The following PTPRD variants were observed in gnomAD, a reference collection of about 807,000 sequenced individuals.
PTPRD encodes protein tyrosine phosphatase receptor type D.
PTPRD carries 34 observed loss-of-function variants against 214.5 expected under a neutral mutation model. The ratio of observed to expected loss-of-function variants is 0.16; its 90% CI spans 0.12 to 0.21. PTPRD has a LOEUF of 0.21. Ranked by LOEUF, PTPRD falls within the 10% of genes least tolerant of loss-of-function variation. The pLI is 1.00. For missense variants in PTPRD, 2,545 were observed against 2,398.7 expected (o/e 1.06, Z -1.27); for synonymous variants, 1,128 against 845.7 (o/e 1.33, Z -5.79).
At chr9:9,818,343 A>C (rs1320573999) in intron 5 of PTPRD, among the ~76,000 whole-genome samples, 4 of 152,126 alleles carry the variant, frequency 2.6e-5, no homozygotes, top group African/African-American at 9.7e-5. Context: ...CCTTTTTATC[A>C]GCTGAGCATT....
chr9:9,641,166 G>T (rs989978929), intron 7 of PTPRD, among the ~76,000 whole-genome samples: 1 of 119,762 alleles, frequency 8.3e-6, no homozygotes, highest in African/African-American at 2.6e-5. Context: ...TGTTGATGCT[G>T]CTTAGCAAAT....
chr9:9,233,837 T>C (rs978636507), intron 9 of PTPRD, among the ~76,000 whole-genome samples: 1 of 152,206 alleles, frequency 6.6e-6, no homozygotes, highest in East Asian at 1.9e-4. Context: ...CACGGCCTTG[T>C]GTAGTTCTGC....
At position 9,683,128 on chromosome 9, in the gene PTPRD, C is replaced by A. The variant is rs186980153; in HGVS notation, c.-287+51405G>T. Among the ~76,000 whole-genome samples, 20 of 151,834 alleles carry A rather than the reference C, an allele frequency of 1.3e-4. No individual in the cohort carries two copies. In the East Asian group the frequency reaches 3.7e-3, roughly 28 times the overall value. On this transcript the variant is annotated intron_variant, in intron 7 of 45. Transcript: ENST00000381196. ...TCTAGATTCTCTTTTGATGACTATT[C>A]TTTTTCAACAAATTGGTGGAACCAT...
chr9:10,496,399 A>G lies in PTPRD; in HGVS notation c.-600+115999T>C, dbSNP rs113310115. ...AAACAGGAACAAATGTATTAAATTTATTAAATCATTTATTTATTAAACTAT... is the reference window on the plus strand; with the variant it reads ...AAACAGGAACAAATGTATTAAATTTGTTAAATCATTTATTTATTAAACTAT... On this transcript the variant is annotated intron_variant, in intron 2 of 45. Coordinates refer to ENST00000381196, the MANE Select transcript of PTPRD (RefSeq NM_002839.4). Among the ~76,000 whole-genome samples, 843 of 151,020 alleles carry G rather than the reference A, an allele frequency of 5.6e-3. 6 individuals carry two copies. The highest frequency in any genetic ancestry group is 0.02 in the African/African-American group (814 of 41,400).
chr9:9,322,942 A>G lies in PTPRD; in HGVS notation c.-203+74507T>C, dbSNP rs1236137392. Among the ~76,000 whole-genome samples the G allele has an allele frequency of 2.0e-5, 3 of 152,190 alleles. No homozygotes were observed. In the East Asian group the frequency reaches 5.8e-4, roughly 29 times the overall value. On this transcript the variant is annotated intron_variant, in intron 9 of 45. Transcript: ENST00000381196. ...TTTACTTGAGTTAAATGATTTTTAA[A>G]AATGTCTATTCTGTTAGGTTTTTAA...
At chr9:10,338,319 C>T (rs1191298064) in intron 3 of PTPRD, among the ~76,000 whole-genome samples, 2 of 151,526 alleles carry the variant, frequency 1.3e-5, no homozygotes, top group Admixed American at 1.3e-4. Context: ...AGGACTGATT[C>T]CTGAGACAGT....
At position 9,604,926 on chromosome 9, in the gene PTPRD, T is replaced by C. The variant is rs1243428215; in HGVS notation, c.-286-30145A>G. On this transcript the variant is annotated intron_variant, in intron 7 of 45. Coordinates refer to ENST00000381196, the MANE Select transcript of PTPRD (RefSeq NM_002839.4). ...GACCACTTTCTTAAAAACTTTACAA[T>C]ATTATTTTAACAGGAGGTGGTCCCT... Among the ~76,000 whole-genome samples the C allele has an allele frequency of 2.0e-5, 3 of 151,898 alleles. No individual in the cohort carries two copies. In the East Asian group the frequency reaches 5.8e-4, roughly 29 times the overall value.
At chr9:9,930,234 C>G (rs892149060) in intron 5 of PTPRD, among the ~76,000 whole-genome samples, 4 of 152,066 alleles carry the variant, frequency 2.6e-5, no homozygotes, top group African/African-American at 9.7e-5. Flanking sequence ...ATCTAGTACA[C>G]AATTAGAGTG....
chr9:8,585,840 T>C (rs2154258455), intron 14 of PTPRD, among the ~76,000 whole-genome samples: 1 of 152,334 alleles, frequency 6.6e-6, no homozygotes, highest in South Asian at 2.1e-4. Context: ...TGAGGTAGAC[T>C]ATGTTCTTAT....
chr9:9,279,004 G>C (rs1291590040), intron 9 of PTPRD, among the ~76,000 whole-genome samples: 1 of 151,008 alleles, frequency 6.6e-6, no homozygotes, highest in Non-Finnish European at 1.5e-5. Flanking sequence ...ACAATAACCT[G>C]TCCGGAAAAC....
At chr9:8,952,561 C>T (rs2099108413) in intron 11 of PTPRD, among the ~76,000 whole-genome samples, 1 of 151,902 alleles carries the variant, frequency 6.6e-6, no homozygotes, top group East Asian at 1.9e-4. Flanking sequence ...TCTTTGATCC[C>T]AGTGGCTTCC....
intron 5 of PTPRD, among the ~76,000 whole-genome samples, chr9:9,789,646 A>G (rs1442016941): frequency 6.6e-6 from 1 of 151,490 alleles, no homozygotes; most frequent in African/African-American, 2.4e-5. Context: ...AAATACAAAA[A>G]CTTAGCTGGG....
At chr9:8,650,043 G>C (rs116031101) in intron 12 of PTPRD, among the ~76,000 whole-genome samples, 2 of 151,920 alleles carry the variant, frequency 1.3e-5, no homozygotes, top group Non-Finnish European at 2.9e-5. Context: ...TCAAACTCCC[G>C]AGCAGCGAGG....
intron 2 of PTPRD, among the ~76,000 whole-genome samples, chr9:10,526,063 T>C (rs1330476318): frequency 6.6e-6 from 1 of 152,120 alleles, no homozygotes; most frequent in Non-Finnish European, 1.5e-5. Flanking sequence ...GTGGGTGTTG[T>C]ATTAAGCAGT....
At chr9:8,541,163 G>A (rs1359782083) in intron 14 of PTPRD, among the ~76,000 whole-genome samples, 3 of 152,138 alleles carry the variant, frequency 2.0e-5, no homozygotes, top group Non-Finnish European at 4.4e-5. Flanking sequence ...AATGCAAATA[G>A]TTTTCTATTT....
At chr9:10,231,977 AG>A (rs2099612112) in intron 3 of PTPRD, among the ~76,000 whole-genome samples, 1 of 121,538 alleles carries the variant, frequency 8.2e-6, no homozygotes, top group Non-Finnish European at 1.7e-5. Context: ...AGAGAGAGAG[AG>A]AGAGAGAGAG....
At chr9:8,389,558 A>G in intron 36 of PTPRD, 151 bp from the exon 37 acceptor site, 1 of 541,558 alleles carries the variant, frequency 1.8e-6, no homozygotes, top group Non-Finnish European at 3.1e-6. Flanking sequence ...CAAGATTAAA[A>G]ACAGGTCCTA....
chr9:8,688,333 A>G (rs1360637279), intron 12 of PTPRD, among the ~76,000 whole-genome samples: 37 of 152,076 alleles, frequency 2.4e-4, no homozygotes, highest in Admixed American at 1.8e-3. Context: ...TTGGGAGGCC[A>G]AGGCGGGCGG....
chr9:9,059,545 G>A (rs324498), intron 10 of PTPRD, among the ~76,000 whole-genome samples: 106,885 of 152,074 alleles, frequency 0.7, 40,806 homozygotes, highest in Non-Finnish European at 0.85. Context: ...ATTGAAAAAT[G>A]CCATGTATCA....
Sources: allele counts gnomAD v4.1 joint callset (sites outside exome capture counted in the v4.1 genomes callset), GRCh38; gene constraint gnomAD v4.1.1; transcripts MANE v1.5; gene names NCBI Gene and HGNC (gene_info 2026-07-23, HGNC 2026-07-21).